CTNNA2: variants seen among roughly 807,000 people sequenced by gnomAD.
The protein encoded by CTNNA2 is catenin alpha 2.
A neutral mutation model predicts 101.0 loss-of-function variants in CTNNA2; 42 were observed. The observed-to-expected ratio is 0.42, with a 90% confidence interval of 0.32 to 0.54. The LOEUF (loss-of-function observed/expected upper bound fraction) is 0.54, where lower values mean the gene tolerates loss of function less well. CTNNA2 is among the 20% of genes least tolerant of loss of function. The pLI is 0.14. For missense variants in CTNNA2, 871 were observed against 1,223.1 expected (o/e 0.71, Z 4.29); for synonymous variants, 450 against 456.4 (o/e 0.99, Z 0.18).
At chr2:79,959,432 A>G (rs925526486) in intron 7 of CTNNA2, among the ~76,000 whole-genome samples, 4 of 152,220 alleles carry the variant, frequency 2.6e-5, no homozygotes, top group Non-Finnish European at 5.9e-5. Context: ...TAATCCACAC[A>G]AAGAAGAACA....
At chr2:80,427,920 A>G (rs1433313199) in intron 9 of CTNNA2, among the ~76,000 whole-genome samples, 1 of 152,244 alleles carries the variant, frequency 6.6e-6, no homozygotes, top group South Asian at 2.1e-4. Context: ...CTCTTGGGAA[A>G]GATAAGAAAG....
intron 7 of CTNNA2, among the ~76,000 whole-genome samples, chr2:79,989,155 C>G (rs1318300532): frequency 6.6e-6 from 1 of 152,184 alleles, no homozygotes; most frequent in Non-Finnish European, 1.5e-5. Context: ...GAGTATTCCT[C>G]CAAGAAACCC....
intron 7 of CTNNA2, among the ~76,000 whole-genome samples, chr2:80,150,293 C>T (rs1418585842): frequency 6.6e-6 from 1 of 152,126 alleles, no homozygotes; most frequent in East Asian, 1.9e-4. Flanking sequence ...AATTCCATCT[C>T]AAACTTTACA....
At chr2:79,533,805 T>C (rs1023485074) in intron 1 of CTNNA2, among the ~76,000 whole-genome samples, 2 of 144,556 alleles carry the variant, frequency 1.4e-5, no homozygotes, top group Non-Finnish European at 3.1e-5. Flanking sequence ...GGCAAACAAA[T>C]AGCCCAAAGA....
intron 2 of CTNNA2, among the ~76,000 whole-genome samples, chr2:79,743,186 T>A (rs1370612414): frequency 2.2e-5 from 3 of 136,586 alleles, no homozygotes; most frequent in Non-Finnish European, 3.2e-5. Context: ...AAAAAAAAAA[T>A]ACAGCAGTAA....
intron 2 of CTNNA2, among the ~76,000 whole-genome samples, chr2:79,688,887 T>C (rs537211475): frequency 6.6e-6 from 1 of 152,130 alleles, no homozygotes; most frequent in African/African-American, 2.4e-5. Context: ...CTATGGTTTA[T>C]AAATTTAAGG....
intron 9 of CTNNA2, among the ~76,000 whole-genome samples, chr2:80,477,655 A>C (rs796532332): frequency 5.3e-5 from 8 of 151,980 alleles, no homozygotes; most frequent in African/African-American, 1.9e-4. Context: ...AATGCCCTCC[A>C]GGTCCACCCA....
At chr2:79,840,985 G>A (rs1005980433) in intron 3 of CTNNA2, among the ~76,000 whole-genome samples, 22 of 152,222 alleles carry the variant, frequency 1.4e-4, no homozygotes, top group Admixed American at 1.0e-3. Context: ...TAGCCAACAT[G>A]GTCTTGATCT....
At chr2:80,383,646 G>T (rs1559063693) in intron 7 of CTNNA2, among the ~76,000 whole-genome samples, 1 of 152,066 alleles carries the variant, frequency 6.6e-6, no homozygotes, top group African/African-American at 2.4e-5. Context: ...GCCCCTTCCA[G>T]TCAGGCACCA....
At chr2:79,218,472 T>C (rs1160455266) in intron 2 of CTNNA2, among the ~76,000 whole-genome samples, 1 of 152,000 alleles carries the variant, frequency 6.6e-6, no homozygotes, top group Non-Finnish European at 1.5e-5. Context: ...CGTGAGCCAC[T>C]GCACACAGCT....
chr2:80,049,025 G>A (rs1338608271), intron 7 of CTNNA2, among the ~76,000 whole-genome samples: 2 of 152,124 alleles, frequency 1.3e-5, no homozygotes, highest in African/African-American at 4.8e-5. Flanking sequence ...CAGTCTAGGG[G>A]CAAAGAGGAG....
At chr2:79,614,226 T>C (rs938800632) in intron 1 of CTNNA2, among the ~76,000 whole-genome samples, 1 of 152,216 alleles carries the variant, frequency 6.6e-6, no homozygotes, top group African/African-American at 2.4e-5. Flanking sequence ...CAGTTATTTT[T>C]GGTTAGTCAA....
intron 7 of CTNNA2, among the ~76,000 whole-genome samples, chr2:80,229,912 G>T (rs1390426329): frequency 6.6e-6 from 1 of 152,050 alleles, no homozygotes; most frequent in Non-Finnish European, 1.5e-5. Flanking sequence ...TAATGTTTTG[G>T]CCAATGAGGG....
chr2:79,275,878 A>G (rs1311969204), intron 2 of CTNNA2, among the ~76,000 whole-genome samples: 1 of 152,084 alleles, frequency 6.6e-6, no homozygotes, highest in Non-Finnish European at 1.5e-5. Flanking sequence ...TCAAAAAAAA[A>G]GATAAGAAGG....
At chr2:79,647,507 A>G (rs1680904683) in intron 1 of CTNNA2, among the ~76,000 whole-genome samples, 1 of 152,084 alleles carries the variant, frequency 6.6e-6, no homozygotes. Flanking sequence ...GCAAGGCTTC[A>G]AGTTTTTTTT....
At position 79,314,028 on chromosome 2, in the gene CTNNA2, G is replaced by A. The variant is rs570695175; in HGVS notation, c.-318+1232G>A. Among the ~76,000 whole-genome samples the A allele has an allele frequency of 5.4e-3, 821 of 152,172 alleles. 6 individuals are homozygous for A. The highest frequency in any genetic ancestry group is 0.018 in the African/African-American group (767 of 41,504). ...GGTGTGCTCTTTGCTGAGGGATGGG[G>A]CATCCTTCTGTGCTGTTAGTCATTT... On this transcript the variant is annotated intron_variant, in intron 3 of 21. Transcript: ENST00000466387.
intron 7 of CTNNA2, among the ~76,000 whole-genome samples, chr2:80,380,201 TA>T (rs551325733): frequency 5.5e-4 from 84 of 152,140 alleles, no homozygotes; most frequent in African/African-American, 1.9e-3. Context: ...CATGCCCGGC[TA>T]ATTTTTTGTA....
intron 4 of CTNNA2, among the ~76,000 whole-genome samples, chr2:79,395,331 G>A (rs1328381114): frequency 2.0e-5 from 3 of 151,890 alleles, no homozygotes; most frequent in African/African-American, 7.3e-5. Flanking sequence ...ATGTTGTTAT[G>A]CTGCACCCAT....
intron 2 of CTNNA2, among the ~76,000 whole-genome samples, chr2:79,309,649 A>G (rs10202759): frequency 0.19 from 28,525 of 152,128 alleles, 3,223 homozygotes; most frequent in African/African-American, 0.32. Flanking sequence ...GTTATCATAC[A>G]GATTGATGAT....
Sources: gnomAD v4.1 joint callset for allele counts (sites outside exome capture counted in the v4.1 genomes callset) on GRCh38, gnomAD v4.1.1 for gene constraint, MANE v1.5 for transcripts, NCBI Gene and HGNC (gene_info 2026-07-23, HGNC 2026-07-21) for gene names.